Variants in ANKRD30B observed in about 807,000 individuals in gnomAD.
The protein encoded by ANKRD30B is ankyrin repeat domain-containing protein 30B.
A neutral mutation model predicts 202.2 loss-of-function variants in ANKRD30B; 144 were observed. The observed-to-expected ratio is 0.71, with a 90% confidence interval of 0.62 to 0.82. The LOEUF (loss-of-function observed/expected upper bound fraction) is 0.82. ANKRD30B is among the 40% of genes least tolerant of loss of function. The probability of loss-of-function intolerance (pLI) is 0.00; values close to 1 mark genes in which losing one functional copy is unlikely to be tolerated. For missense variants in ANKRD30B, 1,487 were observed against 1,669.1 expected (o/e 0.89, Z 1.90); for synonymous variants, 508 against 561.3 (o/e 0.91, Z 1.34).
At chr18:14,932,499 G>T in the ANKRD30B span, among the ~76,000 whole-genome samples, 2 of 151,814 alleles carry the variant, frequency 1.3e-5, no homozygotes, top group African/African-American at 4.9e-5. Context: ...ACCGCGCCCG[G>T]CTAACTTTTT....
intron 9 of ANKRD30B, among the ~76,000 whole-genome samples, chr18:14,774,720 G>T (rs1435602451): frequency 6.6e-6 from 1 of 151,846 alleles, no homozygotes; most frequent in Non-Finnish European, 1.5e-5. Flanking sequence ...AAATTAGGAA[G>T]AGATATTGCA....
intron 8 of ANKRD30B, among the ~76,000 whole-genome samples, chr18:14,771,489 T>C (rs1252579593): frequency 1.6e-4 from 25 of 152,212 alleles, no homozygotes. Flanking sequence ...TTCTTACTTT[T>C]AATGTTTCAA....
chr18:14,831,022 A>G (rs1243092151), intron 33 of ANKRD30B, among the ~76,000 whole-genome samples: 2 of 151,568 alleles, frequency 1.3e-5, no homozygotes, highest in Non-Finnish European at 2.9e-5. Context: ...CTCTACTAAA[A>G]ATACAAAAAA....
At position 14,811,514 on chromosome 18, in the gene ANKRD30B, A is replaced by T. The variant is rs888231272; in HGVS notation, c.2488+1334A>T. 4.1e-4 allele frequency among the ~76,000 whole-genome samples: 61 copies of T among 149,716 alleles called. 2 individuals carry two copies. Among genetic ancestry groups the T allele is most frequent in the Non-Finnish European group, 7.9e-4 (53 of 67,454 alleles). On this transcript the variant is annotated intron_variant, in intron 28 of 43. Coordinates refer to ENST00000690538, the MANE Select transcript of ANKRD30B (RefSeq NM_001367607.2). The stretch of plus-strand genomic sequence containing the variant: ...GCGTGAGCCACCGCGCCCGGCCCAG[A>T]GTCTTTTTACACTAGTACCATTTAT...
At chr18:14,820,348 C>T (rs1300008847) in intron 30 of ANKRD30B, among the ~76,000 whole-genome samples, 1 of 152,122 alleles carries the variant, frequency 6.6e-6, no homozygotes, top group Non-Finnish European at 1.5e-5. Flanking sequence ...ATTAAATACC[C>T]TTTATTTCCT....
chr18:14,759,985 C>T (rs540740737), intron 5 of ANKRD30B, among the ~76,000 whole-genome samples: 21 of 152,254 alleles, frequency 1.4e-4, no homozygotes, highest in African/African-American at 4.1e-4. Flanking sequence ...CAAGCAATCC[C>T]CCTGTCTCAG....
chr18:14,844,297 CTAAAA>C (rs1481286211), intron 39 of ANKRD30B, among the ~76,000 whole-genome samples: 4 of 152,124 alleles, frequency 2.6e-5, no homozygotes, highest in African/African-American at 9.7e-5. Context: ...GAAACTGAAA[CTAAAA>C]TATTTCAAGT....
the ANKRD30B span, among the ~76,000 whole-genome samples, chr18:14,868,093 G>A: frequency 2.0e-5 from 3 of 152,274 alleles, no homozygotes; most frequent in Non-Finnish European, 1.5e-5. Context: ...AGGCCAAGTG[G>A]TAGGAGCCTT....
the ANKRD30B span, among the ~76,000 whole-genome samples, chr18:14,917,852 G>T: frequency 6.6e-6 from 1 of 152,192 alleles, no homozygotes; most frequent in South Asian, 2.1e-4. Flanking sequence ...CAGATTTATT[G>T]GTGTTTATTT....
the ANKRD30B span, among the ~76,000 whole-genome samples, chr18:14,919,888 G>C: frequency 6.6e-6 from 1 of 152,188 alleles, no homozygotes. Context: ...AGAAGTGGGG[G>C]CTAGAACAGG....
chr18:14,756,059 G>A (rs971816817), intron 4 of ANKRD30B, among the ~76,000 whole-genome samples: 14 of 152,140 alleles, frequency 9.2e-5, no homozygotes, highest in Non-Finnish European at 2.1e-4. Flanking sequence ...ATCCTCTCCA[G>A]CACCTGTTGT....
At chr18:14,756,355 G>T (rs1313217158) in intron 4 of ANKRD30B, among the ~76,000 whole-genome samples, 1 of 152,050 alleles carries the variant, frequency 6.6e-6, no homozygotes, top group Non-Finnish European at 1.5e-5. Context: ...TCTGTAGGTT[G>T]CCTGTTCACT....
chr18:14,908,102 A>G, the ANKRD30B span, among the ~76,000 whole-genome samples: 1 of 152,204 alleles, frequency 6.6e-6, no homozygotes, highest in African/African-American at 2.4e-5. Flanking sequence ...GAAAACAGGT[A>G]TGTTGGCAAG....
the ANKRD30B span, among the ~76,000 whole-genome samples, chr18:14,924,110 T>A: frequency 6.6e-6 from 1 of 152,244 alleles, no homozygotes; most frequent in Non-Finnish European, 1.5e-5. Context: ...CCTCTGACAC[T>A]TGCTTAATTA....
At chr18:14,825,725 G>A (rs1246241327) in intron 32 of ANKRD30B, among the ~76,000 whole-genome samples, 1 of 151,866 alleles carries the variant, frequency 6.6e-6, no homozygotes, top group African/African-American at 2.4e-5. Flanking sequence ...CTTTTTTCCT[G>A]TGAAAGCCAT....
chr18:14,808,677 C>G lies in ANKRD30B; in HGVS notation c.2319C>G (p.Thr773=). Residue 773 remains threonine, a synonymous_variant, in exon 26 of 44, where the codon ACC becomes ACG. Transcript: ENST00000690538. The part of the protein sequence containing the change: ...SPDKDGLLKP[T]CGRKVSLPNK... ...GTGTTTCCAAACCCATTTAGCCTACCTGTGGAAGGAAAGTTTCTCTTCCAA... is the reference window on the plus strand; with the variant it reads ...GTGTTTCCAAACCCATTTAGCCTACGTGTGGAAGGAAAGTTTCTCTTCCAA... The G allele has an allele frequency of 6.5e-7, 1 of 1,534,390 alleles. No homozygotes were observed. Among genetic ancestry groups the G allele is most frequent in the Non-Finnish European group, 8.8e-7 (1 of 1,137,324 alleles).
At chr18:14,755,569 A>G (rs1379370748) in intron 4 of ANKRD30B, among the ~76,000 whole-genome samples, 1 of 151,410 alleles carries the variant, frequency 6.6e-6, no homozygotes, top group East Asian at 1.9e-4. Flanking sequence ...TCACCCCTCA[A>G]CAGTCCCTGG....
chr18:14,871,029 T>A, the ANKRD30B span, among the ~76,000 whole-genome samples: 1 of 15,100 alleles, frequency 6.6e-5, no homozygotes, highest in African/African-American at 2.7e-4. Flanking sequence ...CCACACACCC[T>A]CACCCACACC....
chr18:14,796,599 T>C (rs1441323266), intron 18 of ANKRD30B, among the ~76,000 whole-genome samples, 184 bp downstream of exon 18: 1 of 152,118 alleles, frequency 6.6e-6, no homozygotes, highest in Non-Finnish European at 1.5e-5. Context: ...GATTTAGAGA[T>C]TAACAAAAAA....
Sources: gnomAD v4.1 joint callset for allele counts (sites outside exome capture counted in the v4.1 genomes callset) on GRCh38, gnomAD v4.1.1 for gene constraint, MANE v1.5 for transcripts, NCBI Gene and HGNC (gene_info 2026-07-23, HGNC 2026-07-21) for gene names.